The following SIK3 variants were observed in gnomAD, a reference collection of about 807,000 sequenced individuals.
SIK3 encodes serine/threonine-protein kinase SIK3.
Under a neutral mutation model 144.2 loss-of-function variants are expected in SIK3, and 28 were observed. The ratio of observed to expected loss-of-function variants is 0.19; its 90% CI spans 0.14 to 0.27. The LOEUF is 0.27. Ranked by LOEUF, SIK3 falls within the 10% of genes least tolerant of loss-of-function variation. The pLI is 1.00. For synonymous variants in SIK3, 686 were observed against 676.3 expected (o/e 1.01, Z -0.22); for missense variants, 1,319 against 1,776.0 (o/e 0.74, Z 4.62).
intron 3 of SIK3, among the ~76,000 whole-genome samples, chr11:116,943,088 C>T (rs510988): frequency 0.86 from 130,164 of 151,972 alleles, 56,396 homozygotes; most frequent in African/African-American, 0.91. Flanking sequence ...GTGGGCACCA[C>T]ATTCATGGAT....
At chr11:117,046,617 G>A (rs1358729699) in intron 1 of SIK3, among the ~76,000 whole-genome samples, 6 of 152,082 alleles carry the variant, frequency 3.9e-5, no homozygotes, top group African/African-American at 9.7e-5. Flanking sequence ...AGTGGCTCAC[G>A]CCCATAATCC....
intron 2 of SIK3, among the ~76,000 whole-genome samples, chr11:116,956,151 T>C (rs1171588112): frequency 6.6e-6 from 1 of 152,188 alleles, no homozygotes; most frequent in African/African-American, 2.4e-5. Context: ...TGCCAACACA[T>C]TGCAATTTGA....
Position 116,858,776 on chromosome 11 carries a change from T to C in SIK3, c.2766-77A>G, listed in dbSNP as rs1943141711. On this transcript the variant is annotated intron_variant, in intron 20 of 24. Coordinates refer to ENST00000445177, the MANE Select transcript of SIK3 (RefSeq NM_001366686.3). This position sits in a 1 kb window ranked among gnomAD's most constrained non-coding sequence, Gnocchi z 5.4. Reference sequence around the variant, plus strand: ...CCTGGGAACAGCTCCTCCTCCTCAGTAGGGAGAACCCACTGGTACAGAGAA... The same window carrying C: ...CCTGGGAACAGCTCCTCCTCCTCAGCAGGGAGAACCCACTGGTACAGAGAA... 2.7e-6 allele frequency: 4 copies of C among 1,505,992 alleles called. 1 individual carries two copies. Among genetic ancestry groups the C allele is most frequent in the South Asian group, 2.7e-5 (2 of 73,558 alleles). 93.3% of individuals were successfully genotyped at this position (1,505,992 alleles called of 1,614,324 possible). A position where few individuals can be genotyped will look rare whatever the true frequency, so the allele number is the denominator to read the frequency against.
intron 1 of SIK3, among the ~76,000 whole-genome samples, chr11:117,054,368 G>C (rs1953413107): frequency 6.6e-6 from 1 of 152,186 alleles, no homozygotes; most frequent in Non-Finnish European, 1.5e-5. Context: ...TATACTGTAG[G>C]ACCCATGGGT....
chr11:117,056,603 TC>T (rs201829635), intron 1 of SIK3, among the ~76,000 whole-genome samples: 23,927 of 147,098 alleles, frequency 0.16, 2,058 homozygotes, highest in Admixed American at 0.21. Context: ...AGATATAAAG[TC>T]CCCAAGAAGA....
At position 117,030,747 on chromosome 11, in the gene SIK3, T is replaced by G. The variant is rs545675277; in HGVS notation, c.273+67396A>C. Among the ~76,000 whole-genome samples the G allele has an allele frequency of 1.4e-3, 207 of 152,328 alleles. 1 individual carries two copies. Among genetic ancestry groups the G allele is most frequent in the Non-Finnish European group, 2.3e-3 (155 of 68,032 alleles). Reference sequence around the variant, plus strand: ...GTGCAGTGGCAGGACTACAGCTCACTGCAGCCTCGACTTTCCAGGCTCAGG... The same window carrying G: ...GTGCAGTGGCAGGACTACAGCTCACGGCAGCCTCGACTTTCCAGGCTCAGG... On this transcript the variant is annotated intron_variant, in intron 1 of 24. Coordinates refer to ENST00000445177, the MANE Select transcript of SIK3 (RefSeq NM_001366686.3).
At chr11:116,980,644 G>A (rs1950108264) in intron 1 of SIK3, among the ~76,000 whole-genome samples, 1 of 152,158 alleles carries the variant, frequency 6.6e-6, no homozygotes, top group African/African-American at 2.4e-5. Flanking sequence ...CTTGAGCTCA[G>A]GAGCTCAAGA....
At chr11:116,856,213 A>AG (rs71037433) in intron 21 of SIK3, among the ~76,000 whole-genome samples, 1 of 150,262 alleles carries the variant, frequency 6.7e-6, no homozygotes, top group Non-Finnish European at 1.5e-5. Flanking sequence ...AAAAAAAAAA[A>AG]GAAACGTGAG....
chr11:116,970,669 G>C (rs935807854), intron 1 of SIK3, among the ~76,000 whole-genome samples: 1 of 151,760 alleles, frequency 6.6e-6, no homozygotes, highest in Non-Finnish European at 1.5e-5. Context: ...ATTTCTTTTA[G>C]AGACAGAGTC....
chr11:116,947,239 T>TCA (rs1565487420), intron 3 of SIK3, among the ~76,000 whole-genome samples: 76 of 100,102 alleles, frequency 7.6e-4, no homozygotes, highest in Middle Eastern at 4.4e-3. Context: ...TTATATATTT[T>TCA]ATATATAATT....
intron 1 of SIK3, among the ~76,000 whole-genome samples, chr11:117,094,306 A>T (rs1417985363): frequency 1.3e-5 from 2 of 152,194 alleles, no homozygotes; most frequent in African/African-American, 4.8e-5. Context: ...TACTTTAAAA[A>T]ATGCATATGG....
intron 4 of SIK3, among the ~76,000 whole-genome samples, chr11:116,907,839 G>A (rs1029580404): frequency 6.6e-6 from 1 of 152,018 alleles, no homozygotes; most frequent in Non-Finnish European, 1.5e-5. Context: ...ATGGGAAAAG[G>A]ATAAATTTCT....
rs1950062787 is a variant in SIK3 at position 116,979,373 on chromosome 11, C to A, written c.274-22309G>T. ...AATTTTTTTTTTTATTTGAGGAGTT[C>A]TTTTATATTCTGGCTAACAAACCTT... On this transcript the variant is annotated intron_variant, in intron 1 of 24. Transcript: ENST00000445177. Among the ~76,000 whole-genome samples, 3 of 151,046 alleles carry A rather than the reference C, an allele frequency of 2.0e-5. 1 individual carries two copies. Among genetic ancestry groups the A allele is most frequent in the South Asian group, 4.2e-4 (2 of 4,786 alleles).
intron 15 of SIK3, chr11:116,865,192 A>C (rs1943565642): frequency 1.3e-5 from 2 of 151,172 alleles, no homozygotes; most frequent in East Asian, 1.9e-4. Flanking sequence ...TTTTCTCCTA[A>C]AATTTGATTC....
chr11:116,963,520 T>C (rs1172565731), intron 1 of SIK3, among the ~76,000 whole-genome samples: 1 of 152,204 alleles, frequency 6.6e-6, no homozygotes. Context: ...AATCTCTATT[T>C]TATAATTGTG....
At position 117,077,364 on chromosome 11, in the gene SIK3, C is replaced by T. The variant is rs529400392; in HGVS notation, c.273+20779G>A. ...AACCTTGGTCCTCGCTTTCTGGTGC[C>T]GAGCTCCAAAACCTCAATGGAATAC... On this transcript the variant is annotated intron_variant, in intron 1 of 24. Transcript: ENST00000445177. 2.0e-5 allele frequency among the ~76,000 whole-genome samples: 3 copies of T among 152,262 alleles called. No homozygotes were observed. In the South Asian group the frequency reaches 6.2e-4, roughly 32 times the overall value.
chr11:116,919,248 C>A (rs1946832125), intron 4 of SIK3, among the ~76,000 whole-genome samples: 1 of 152,152 alleles, frequency 6.6e-6, no homozygotes, highest in Non-Finnish European at 1.5e-5. Context: ...TCAGTATATT[C>A]ATACTAAGGG....
In SIK3 at chr11:116,971,644, A is replaced by G. The variant is rs569344554; in HGVS notation, c.274-14580T>C. On this transcript the variant is annotated intron_variant, in intron 1 of 24. Coordinates refer to ENST00000445177, the MANE Select transcript of SIK3 (RefSeq NM_001366686.3). ...AATCAGCTTCAAGAATTATTACTTT[A>G]TAGTCAATTGTTTTATCTATATCTC... Among the ~76,000 whole-genome samples the G allele has an allele frequency of 1.2e-3, 177 of 152,348 alleles. 3 individuals carry two copies. In the South Asian group the frequency reaches 0.034, roughly 29 times the overall value.
chr11:116,962,385 G>T (rs1949380311), intron 1 of SIK3, among the ~76,000 whole-genome samples: 1 of 152,142 alleles, frequency 6.6e-6, no homozygotes, highest in Non-Finnish European at 1.5e-5. Flanking sequence ...TAATTTCAAA[G>T]AATATAGTGA....
Sources: allele counts gnomAD v4.1 joint callset (sites outside exome capture counted in the v4.1 genomes callset), GRCh38; gene constraint gnomAD v4.1.1; non-coding constraint Gnocchi (gnomAD v3.1); transcripts MANE v1.5; gene names NCBI Gene and HGNC (gene_info 2026-07-23, HGNC 2026-07-21).